LOXHD1: variants seen among roughly 807,000 people sequenced by gnomAD.
The protein encoded by LOXHD1 is lipoxygenase homology domain-containing protein 1.
In LOXHD1, 205 loss-of-function variants were observed where a neutral mutation model predicts 248.2. That is an observed-to-expected ratio of 0.83 (90% CI 0.74 to 0.93). The LOEUF (loss-of-function observed/expected upper bound fraction) is 0.93, where lower values mean the gene tolerates loss of function less well. Ranked by LOEUF, LOXHD1 falls within the 40% of genes least tolerant of loss-of-function variation. The pLI, the probability that LOXHD1 is intolerant of heterozygous loss-of-function variation, is 0.00. For synonymous variants in LOXHD1, 1,113 were observed against 1,162.8 expected (o/e 0.96, Z 0.87); for missense variants, 2,930 against 2,971.6 (o/e 0.99, Z 0.33).
At chr18:46,485,202 C>T in intron 38 of LOXHD1, 51 bp from the exon 39 acceptor site, 15 of 1,525,546 alleles carry the variant, frequency 9.8e-6, no homozygotes, top group Non-Finnish European at 1.3e-5. Flanking sequence ...CAGTGCCCGT[C>T]TTCAGGGCGG....
At chr18:46,550,116 A>T (rs746271012) in intron 21 of LOXHD1, among the ~76,000 whole-genome samples, 6 of 152,252 alleles carry the variant, frequency 3.9e-5, no homozygotes, top group Non-Finnish European at 7.3e-5. Flanking sequence ...CTTAACAAAG[A>T]TACCCTAATT....
At chr18:46,563,322 C>G in intron 17 of LOXHD1, 97 bp from the exon 18 acceptor site, 1 of 1,247,220 alleles carries the variant, frequency 8.0e-7, no homozygotes, top group Non-Finnish European at 1.1e-6. Flanking sequence ...GTTCCAGGTG[C>G]CTGGCGCTTT....
chr18:46,558,968 T>G (rs1199077361), intron 20 of LOXHD1: 1 of 432,286 alleles, frequency 2.3e-6, no homozygotes, highest in South Asian at 1.8e-5. Context: ...AGACACACTG[T>G]CCTAAACTGG....
At chr18:46,587,455 G>T (rs553640974) in intron 12 of LOXHD1, among the ~76,000 whole-genome samples, 1 of 152,278 alleles carries the variant, frequency 6.6e-6, no homozygotes, top group Non-Finnish European at 1.5e-5. Flanking sequence ...CATCCCTTTG[G>T]TTCTGAGCTC....
intron 37 of LOXHD1, 28 bp from the exon 38 acceptor site, chr18:46,489,170 A>T: frequency 6.4e-7 from 1 of 1,551,172 alleles, no homozygotes; most frequent in Non-Finnish European, 8.7e-7. Context: ...TGGGGGTTGG[A>T]AGCTGGATGT....
Position 46,500,826 on chromosome 18 carries a change from C to A in LOXHD1, c.5878+5012G>T, listed in dbSNP as rs552092997. Among the ~76,000 whole-genome samples, 12 of 152,192 alleles carry A rather than the reference C, an allele frequency of 7.9e-5. No individual in the cohort carries two copies. The East Asian group carries it at 2.1e-3, about 27-fold the overall frequency. The stretch of plus-strand genomic sequence containing the variant: ...CTTTTATATTTGCTATTCACTCTAC[C>A]TCACATGTGTTCCTTCATTTTAAGC... On this transcript the variant is annotated intron_variant, in intron 37 of 40. Transcript: ENST00000642948.
At chr18:46,587,692 A>G (rs1310984261) in intron 12 of LOXHD1, among the ~76,000 whole-genome samples, 2 of 152,250 alleles carry the variant, frequency 1.3e-5, no homozygotes, top group Non-Finnish European at 2.9e-5. Context: ...ACGAGAAGCT[A>G]CGATTTTCTG....
chr18:46,620,140 C>T (rs373984558), intron 4 of LOXHD1, among the ~76,000 whole-genome samples: 57 of 152,198 alleles, frequency 3.7e-4, no homozygotes, highest in Non-Finnish European at 5.1e-4. Context: ...AGGCCTCAGC[C>T]GTGGCTAGCT....
Position 46,511,711 on chromosome 18 carries a change from G to A in LOXHD1, c.5400-1896C>T, listed in dbSNP as rs557159656. Among the ~76,000 whole-genome samples, 354 of 152,348 alleles carry A rather than the reference G, an allele frequency of 2.3e-3. 4 individuals are homozygous for A. Among genetic ancestry groups the A allele is most frequent in the African/African-American group, 8.1e-3 (337 of 41,584 alleles). ...GACCCTGGGAGAGGGCTGGCCAGCA[G>A]ATGGGGATGGATGGTGTGGGGTCTA... On this transcript the variant is annotated intron_variant, in intron 34 of 40. Transcript: ENST00000642948.
intron 4 of LOXHD1, among the ~76,000 whole-genome samples, chr18:46,626,353 C>T (rs918395487): frequency 3.3e-5 from 5 of 152,126 alleles, no homozygotes; most frequent in East Asian, 1.9e-4. Context: ...GCCCAGCCAA[C>T]GTGGTAAAAC....
intron 33 of LOXHD1, among the ~76,000 whole-genome samples, chr18:46,519,687 C>T (rs1208527328): frequency 6.6e-6 from 1 of 152,202 alleles, no homozygotes; most frequent in East Asian, 1.9e-4. Flanking sequence ...AGTGCTTCAG[C>T]TGCCCCATGG....
intron 8 of LOXHD1, among the ~76,000 whole-genome samples, chr18:46,596,416 T>G (rs953999396): frequency 1.2e-4 from 18 of 152,150 alleles, no homozygotes; most frequent in Non-Finnish European, 2.2e-4. Context: ...GGTGCTACCC[T>G]GAAGCAAAAG....
At chr18:46,510,630 G>A (rs537792774) in intron 34 of LOXHD1, among the ~76,000 whole-genome samples, 2 of 152,256 alleles carry the variant, frequency 1.3e-5, no homozygotes, top group East Asian at 3.9e-4. Flanking sequence ...CATGGCAATC[G>A]TCGTGCTTCC....
At chr18:46,542,008 A>C in intron 24 of LOXHD1, 68 bp from the exon 25 acceptor site, 1 of 1,443,542 alleles carries the variant, frequency 6.9e-7, no homozygotes, top group South Asian at 1.4e-5. Flanking sequence ...GGGTAACTTC[A>C]GGGACTCCTG....
intron 4 of LOXHD1, among the ~76,000 whole-genome samples, chr18:46,638,819 T>A (rs2038925453): frequency 6.6e-6 from 1 of 152,176 alleles, no homozygotes; most frequent in Non-Finnish European, 1.5e-5. Context: ...GAGTACACGC[T>A]GGAAGGCAGA....
chr18:46,541,440 TTATC>T (rs1441126818), intron 25 of LOXHD1, among the ~76,000 whole-genome samples: 1 of 152,236 alleles, frequency 6.6e-6, no homozygotes, highest in Non-Finnish European at 1.5e-5. Flanking sequence ...AGTTAGACCT[TTATC>T]TTTCTTCCTT....
Position 46,545,410 on chromosome 18 carries a change from T to C in LOXHD1, c.3526A>G (p.Thr1176Ala), listed in dbSNP as rs2036757860. ...LALEQKDKST[T>A]FSVTIKTGVK... is the part of the protein sequence containing the mutation. Reference sequence around the variant, plus strand: ...CCAGTCTTTATGGTCACTGAGAATGTGGTAGATTTATCTGCCAAGAGAATA... The same window carrying C: ...CCAGTCTTTATGGTCACTGAGAATGCGGTAGATTTATCTGCCAAGAGAATA... Residue 1176 changes from threonine (T) to alanine (A), a missense_variant, in exon 23 of 41, where the codon ACA (threonine) becomes GCA (alanine). By Grantham distance (58) the Thr-to-Ala change is moderately conservative. Transcript: ENST00000642948. 6.4e-7 allele frequency: 1 copy of C among 1,551,176 alleles called. No individual in the cohort carries two copies. The highest frequency in any genetic ancestry group is 1.4e-5 in the African/African-American group (1 of 72,988).
intron 21 of LOXHD1, among the ~76,000 whole-genome samples, chr18:46,553,801 C>A (rs1159592630): frequency 6.6e-6 from 1 of 152,138 alleles, no homozygotes; most frequent in Non-Finnish European, 1.5e-5. Flanking sequence ...GTACGCTAGG[C>A]CTCACTGAGA....
chr18:46,582,507 A>G (rs2037982604), intron 12 of LOXHD1, among the ~76,000 whole-genome samples: 1 of 152,262 alleles, frequency 6.6e-6, no homozygotes, highest in Admixed American at 6.5e-5. Context: ...ATAAAAATGT[A>G]TAAGACATAT....
Sources: gnomAD v4.1 joint callset for allele counts (sites outside exome capture counted in the v4.1 genomes callset) on GRCh38, gnomAD v4.1.1 for gene constraint, MANE v1.5 for transcripts, NCBI Gene and HGNC (gene_info 2026-07-23, HGNC 2026-07-21) for gene names.